The following OIT3 variants were observed in gnomAD, a reference collection of about 807,000 sequenced individuals.
The protein encoded by OIT3 is oncoprotein induced transcript 3.
A neutral mutation model predicts 52.2 loss-of-function variants in OIT3; 41 were observed. The observed-to-expected ratio is 0.79, with a 90% CI of 0.61 to 1.02. The LOEUF (loss-of-function observed/expected upper bound fraction) is 1.02. OIT3 is among the 50% of genes least tolerant of loss of function. OIT3 has a pLI of 0.00. For synonymous variants in OIT3, 244 were observed against 276.9 expected (o/e 0.88, Z 1.18); for missense variants, 634 against 715.5 (o/e 0.89, Z 1.30).
At chr10:72,913,918 G>C (rs1409167985) in intron 6 of OIT3, among the ~76,000 whole-genome samples, 1 of 152,236 alleles carries the variant, frequency 6.6e-6, no homozygotes, top group African/African-American at 2.4e-5. Context: ...TGGAGAGTTA[G>C]AAATGTATGA....
chr10:72,915,066 A>G (rs182848445), intron 6 of OIT3, among the ~76,000 whole-genome samples: 1 of 152,086 alleles, frequency 6.6e-6, no homozygotes, highest in Non-Finnish European at 1.5e-5. Context: ...GGGTTTCACC[A>G]TGTTGGTCAG....
rs369108770 is a variant in OIT3 at position 72,921,029 on chromosome 10, T to A, written c.952-3200T>A. On this transcript the variant is annotated intron_variant, in intron 6 of 8. Transcript: ENST00000334011. ...ATATTGTCAGTGGGGTGTTAAAGTC[T>A]CCCACTATTATTGTGTGGGAATCTA... 1.7e-3 allele frequency among the ~76,000 whole-genome samples: 255 copies of A among 152,312 alleles called. 9 individuals carry two copies. The South Asian group carries it at 0.052, about 31-fold the overall frequency.
In OIT3 at chr10:72,917,909, T is replaced by C. The variant is rs535389312; in HGVS notation, c.951+4441T>C. 1,566 of 1,189,434 alleles carry C rather than the reference T, an allele frequency of 1.3e-3. 32 individuals carry two copies. In the South Asian group the frequency reaches 0.018, roughly 14 times the overall value. The allele number at this position is 1,189,434 out of a possible 1,614,324, so 73.7% of individuals were successfully genotyped here. A position where few individuals can be genotyped will look rare whatever the true frequency, so the allele number is the denominator to read the frequency against. ...CTTTTCCATTCTGATTTGACTTCTGTACATTTTTGGCTGGAGTATCTTGTA... is the reference window on the plus strand; with the variant it reads ...CTTTTCCATTCTGATTTGACTTCTGCACATTTTTGGCTGGAGTATCTTGTA... On this transcript the variant is annotated intron_variant, in intron 6 of 8. Coordinates refer to ENST00000334011, the MANE Select transcript of OIT3 (RefSeq NM_152635.3).
In OIT3 at chr10:72,899,035, G is replaced by A. The variant is rs754628034; in HGVS notation, c.433G>A (p.Gly145Ser). ...CAGCGTCTGCTTCCACGTCTACTGT[G>A]GTCGTGAGTACCTTCCCTGTGCTCT... ...KPSVCFHVYC[G>S]HFYDICDEDC... The change falls in exon 2 of 9, where the codon GGT becomes AGT. Residue 145 changes from glycine to serine, a missense_variant. Transcript: ENST00000334011. The A allele has an allele frequency of 1.2e-6, 2 of 1,601,950 alleles. No individual in the cohort carries two copies. The highest frequency in any genetic ancestry group is 1.7e-6 in the Non-Finnish European group (2 of 1,172,002).
intron 5 of OIT3, among the ~76,000 whole-genome samples, 199 bp from the exon 6 acceptor site, chr10:72,913,109 A>G (rs961960192): frequency 1.3e-5 from 2 of 152,240 alleles, no homozygotes; most frequent in Admixed American, 6.5e-5. Flanking sequence ...AGGGAACCAT[A>G]TATTTGAGGA....
intron 3 of OIT3, among the ~76,000 whole-genome samples, chr10:72,904,183 C>A (rs551147825): frequency 6.6e-6 from 1 of 152,108 alleles, no homozygotes; most frequent in African/African-American, 2.4e-5. Context: ...CTTGCTCAAT[C>A]GATCATGACC....
chr10:72,916,821 C>T (rs960693332), intron 6 of OIT3, among the ~76,000 whole-genome samples: 21 of 152,262 alleles, frequency 1.4e-4, no homozygotes, highest in Admixed American at 1.2e-3. Context: ...CCTTTTTCTC[C>T]ACAACCTCAC....
intron 2 of OIT3, among the ~76,000 whole-genome samples, chr10:72,899,673 T>G (rs1845910957): frequency 6.6e-6 from 1 of 151,378 alleles, no homozygotes; most frequent in Non-Finnish European, 1.5e-5. Context: ...AACTTTTGAG[T>G]ATGGAGAACC....
chr10:72,918,068 T>A, intron 6 of OIT3: 1 of 1,047,374 alleles, frequency 9.5e-7, no homozygotes, highest in Non-Finnish European at 1.5e-6. Context: ...CAGCAAGTTT[T>A]ACTTTTTTCT....
chr10:72,903,803 T>C (rs557465004), intron 3 of OIT3, among the ~76,000 whole-genome samples: 4 of 152,150 alleles, frequency 2.6e-5, no homozygotes, highest in African/African-American at 7.2e-5. Flanking sequence ...TGCTGGGGCA[T>C]AGAGTATCTT....
intron 3 of OIT3, among the ~76,000 whole-genome samples, chr10:72,905,121 T>C (rs908971286): frequency 6.6e-6 from 1 of 152,178 alleles, no homozygotes. Flanking sequence ...CACAGGGGAC[T>C]TGCCTCCAAG....
chr10:72,903,789 G>C (rs1255473676), intron 3 of OIT3, among the ~76,000 whole-genome samples: 1 of 152,068 alleles, frequency 6.6e-6, no homozygotes, highest in Non-Finnish European at 1.5e-5. Context: ...CATAAGAATG[G>C]AACTGCTGGG....
chr10:72,906,194 T>G (rs925903827), intron 3 of OIT3, among the ~76,000 whole-genome samples: 1 of 152,258 alleles, frequency 6.6e-6, no homozygotes, highest in Non-Finnish European at 1.5e-5. Flanking sequence ...AGCTATTTCC[T>G]TCTGTAATGG....
chr10:72,896,127 T>C (rs1845873649), intron 1 of OIT3, among the ~76,000 whole-genome samples: 2 of 152,196 alleles, frequency 1.3e-5, no homozygotes, highest in Non-Finnish European at 2.9e-5. Flanking sequence ...GGAAGTGAAC[T>C]TTTAGCAAAC....
chr10:72,924,157 A>T, intron 6 of OIT3, 72 bp from the exon 7 acceptor site: 1 of 1,283,794 alleles, frequency 7.8e-7, no homozygotes, highest in Non-Finnish European at 1.1e-6. Flanking sequence ...TGTTAAGGTG[A>T]GAGGAGGGGG....
chr10:72,906,470 G>C (rs1845979453), intron 3 of OIT3, 126 bp from the exon 4 acceptor site: 5 of 997,458 alleles, frequency 5.0e-6, no homozygotes, highest in Admixed American at 3.9e-5. Context: ...TACTGGATCA[G>C]AGGGGGAGCT....
intron 1 of OIT3, among the ~76,000 whole-genome samples, chr10:72,896,732 C>T (rs1845878290): frequency 6.6e-6 from 1 of 152,152 alleles, no homozygotes; most frequent in Non-Finnish European, 1.5e-5. Context: ...AATTTTTGTG[C>T]AGTATTTGCT....
At position 72,898,953 on chromosome 10, in the gene OIT3, C is replaced by G. The variant is rs757988289; in HGVS notation, c.351C>G (p.Thr117=). Residue 117 remains threonine (T), a synonymous_variant, in exon 2 of 9, where the codon ACC becomes ACG. Transcript: ENST00000334011. The part of the protein sequence containing the change: ...SFNGNCCLWN[T]TVEVKACPGG... ...ATGGGAACTGCTGTCTCTGGAACAC[C>G]ACGGTGGAAGTCAAGGCTTGCCCTG... 4 of 1,614,162 alleles carry G rather than the reference C, an allele frequency of 2.5e-6. No individual in the cohort carries two copies. The highest frequency in any genetic ancestry group is 3.4e-6 in the Non-Finnish European group (4 of 1,180,008).
intron 7 of OIT3, among the ~76,000 whole-genome samples, chr10:72,927,353 T>C (rs2132949853): frequency 6.6e-6 from 1 of 152,262 alleles, no homozygotes; most frequent in Admixed American, 6.5e-5. Flanking sequence ...TTGGCCAGGC[T>C]GATCTTGAAC....
Sources: allele counts gnomAD v4.1 joint callset (sites outside exome capture counted in the v4.1 genomes callset), GRCh38; gene constraint gnomAD v4.1.1; transcripts MANE v1.5; gene names NCBI Gene and HGNC (gene_info 2026-07-23, HGNC 2026-07-21).